MYO16: variants seen among roughly 807,000 people sequenced by gnomAD.
MYO16 encodes the protein unconventional myosin-XVI.
In MYO16, 94 loss-of-function variants were observed where a neutral mutation model predicts 205.3. The ratio of observed to expected loss-of-function variants is 0.46; its 90% CI spans 0.39 to 0.54. The LOEUF (loss-of-function observed/expected upper bound fraction) is 0.54, where lower values mean the gene tolerates loss of function less well. Among genes scored for constraint, MYO16 ranks in the 20% least tolerant of loss-of-function variants. The pLI is 0.00. For missense variants in MYO16, 2,315 were observed against 2,387.5 expected (o/e 0.97, Z 0.63); for synonymous variants, 988 against 954.0 (o/e 1.04, Z -0.66).
At chr13:109,119,678 C>A (rs1171882482) in intron 28 of MYO16, among the ~76,000 whole-genome samples, 1 of 152,196 alleles carries the variant, frequency 6.6e-6, no homozygotes, top group Non-Finnish European at 1.5e-5. Flanking sequence ...TGGATAAGTT[C>A]TCATGCCACT....
chr13:109,054,090 G>A (rs1887337772), intron 25 of MYO16, among the ~76,000 whole-genome samples: 2 of 152,024 alleles, frequency 1.3e-5, no homozygotes, highest in African/African-American at 4.8e-5. Flanking sequence ...AAATGTAATA[G>A]TAGGTTAGTG....
At chr13:108,796,101 A>G (rs1311867202) in intron 6 of MYO16, among the ~76,000 whole-genome samples, 1 of 152,192 alleles carries the variant, frequency 6.6e-6, no homozygotes, top group African/African-American at 2.4e-5. Flanking sequence ...CGCTGGGACC[A>G]GATCACACAA....
the MYO16 span, among the ~76,000 whole-genome samples, chr13:108,498,726 A>C: frequency 6.6e-6 from 1 of 152,246 alleles, no homozygotes; most frequent in Non-Finnish European, 1.5e-5. Context: ...CACTGAGGCA[A>C]GGAAGGACAC....
chr13:108,780,646 G>T (rs1402001074), intron 4 of MYO16, among the ~76,000 whole-genome samples: 2 of 152,126 alleles, frequency 1.3e-5, no homozygotes, highest in Non-Finnish European at 2.9e-5. Flanking sequence ...ATAATTCTTT[G>T]CCTTAATTTT....
rs542542288 is a variant in MYO16 at position 108,729,632 on chromosome 13, C to T, written c.507+2049C>T. On this transcript the variant is annotated intron_variant, in intron 4 of 34. Coordinates refer to ENST00000457511, the MANE Select transcript of MYO16 (RefSeq NM_001198950.3). ...TCTTCCTGCATGCAAAATGGCCATA[C>T]TTATTCTCACAAATGAATATTCATA... Among the ~76,000 whole-genome samples, 4 of 152,268 alleles carry T rather than the reference C, an allele frequency of 2.6e-5. No homozygotes were observed. The South Asian group carries it at 8.3e-4, about 32-fold the overall frequency.
Position 108,851,999 on chromosome 13 carries a change from G to A in MYO16, c.1249-3444G>A, listed in dbSNP as rs955884819. Among the ~76,000 whole-genome samples the A allele has an allele frequency of 1.5e-4, 23 of 151,998 alleles. No individual in the cohort carries two copies. The East Asian group carries it at 2.5e-3, about 17-fold the overall frequency. ...GCCTCCCACACACCCATCTCCTCCCGACCTTACAGCCCTCACCATGTCCTT... is the reference window on the plus strand; with the variant it reads ...GCCTCCCACACACCCATCTCCTCCCAACCTTACAGCCCTCACCATGTCCTT... On this transcript the variant is annotated intron_variant, in intron 10 of 34. Coordinates refer to ENST00000457511, the MANE Select transcript of MYO16 (RefSeq NM_001198950.3).
At chr13:108,567,722 A>G in the MYO16 span, among the ~76,000 whole-genome samples, 1 of 152,036 alleles carries the variant, frequency 6.6e-6, no homozygotes, top group Non-Finnish European at 1.5e-5. Flanking sequence ...AAACTATAAA[A>G]TTCCCCTTAT....
At chr13:108,901,311 T>A (rs1880695313) in intron 15 of MYO16, among the ~76,000 whole-genome samples, 2 of 152,194 alleles carry the variant, frequency 1.3e-5, no homozygotes, top group Non-Finnish European at 2.9e-5. Context: ...AATAAAAACT[T>A]GCTGGTTTTA....
intron 33 of MYO16, among the ~76,000 whole-genome samples, chr13:109,175,077 A>G (rs1023226831): frequency 2.0e-5 from 3 of 152,110 alleles, no homozygotes; most frequent in Non-Finnish European, 4.4e-5. Context: ...ATAAGAATTT[A>G]CATGAACCCA....
At chr13:109,049,766 A>G (rs187870493) in intron 24 of MYO16, among the ~76,000 whole-genome samples, 191 of 152,164 alleles carry the variant, frequency 1.3e-3, no homozygotes, top group African/African-American at 4.1e-3. Flanking sequence ...TTAACTTTTT[A>G]TTTTGAAGTG....
chr13:108,819,805 G>C (rs998364746), intron 7 of MYO16, among the ~76,000 whole-genome samples: 1 of 152,150 alleles, frequency 6.6e-6, no homozygotes, highest in Non-Finnish European at 1.5e-5. Flanking sequence ...ATGCCAACAA[G>C]TTAGACTTCG....
the MYO16 span, among the ~76,000 whole-genome samples, chr13:108,500,052 C>G: frequency 6.6e-6 from 1 of 151,568 alleles, no homozygotes; most frequent in African/African-American, 2.4e-5. Flanking sequence ...GTCTCTCCTG[C>G]ACCTCTTGGT....
At chr13:108,822,977 C>A in intron 8 of MYO16, 148 bp from the exon 9 acceptor site, 1 of 675,054 alleles carries the variant, frequency 1.5e-6, no homozygotes, top group Non-Finnish European at 2.4e-6. Flanking sequence ...AATTTTATCC[C>A]AGCCGTAAAC....
the MYO16 span, among the ~76,000 whole-genome samples, chr13:108,532,431 A>G: frequency 0.016 from 2,354 of 151,238 alleles, 21 homozygotes; most frequent in Non-Finnish European, 0.022. Context: ...TGAGAAAATA[A>G]CCATCTTCTG....
chr13:108,728,489 T>C (rs1444505049), intron 4 of MYO16, among the ~76,000 whole-genome samples: 1 of 152,078 alleles, frequency 6.6e-6, no homozygotes, highest in Non-Finnish European at 1.5e-5. Flanking sequence ...AGGTTAGGAG[T>C]CTGAAGTCAA....
intron 1 of MYO16, among the ~76,000 whole-genome samples, chr13:108,624,423 A>G (rs1879655876): frequency 1.3e-5 from 2 of 152,226 alleles, no homozygotes; most frequent in African/African-American, 4.8e-5. Context: ...TCATGTGCTC[A>G]TATTCATCCA....
At chr13:108,785,594 A>T in intron 4 of MYO16, 41 bp from the exon 5 acceptor site, 2 of 1,236,944 alleles carry the variant, frequency 1.6e-6, no homozygotes, top group Non-Finnish European at 2.3e-6. Context: ...CTTTTAATTT[A>T]AACAGTATAT....
chr13:109,103,341 G>T (rs769097633), intron 28 of MYO16, among the ~76,000 whole-genome samples: 77 of 152,284 alleles, frequency 5.1e-4, no homozygotes, highest in Non-Finnish European at 8.1e-4. Flanking sequence ...GGTTGTATCG[G>T]ATGGTTATTC....
chr13:108,507,962 T>C, the MYO16 span, among the ~76,000 whole-genome samples: 2 of 152,102 alleles, frequency 1.3e-5, no homozygotes, highest in Non-Finnish European at 1.5e-5. Flanking sequence ...TCAGTTATTA[T>C]ATACTTAAAG....
Sources: allele counts gnomAD v4.1 joint callset (sites outside exome capture counted in the v4.1 genomes callset), GRCh38; gene constraint gnomAD v4.1.1; transcripts MANE v1.5; gene names NCBI Gene and HGNC (gene_info 2026-07-23, HGNC 2026-07-21).